Variants in CDH13 observed in about 807,000 individuals in gnomAD.
The protein encoded by CDH13 is cadherin-13.
A neutral mutation model predicts 63.8 loss-of-function variants in CDH13; 24 were observed. The ratio of observed to expected loss-of-function variants is 0.38; its 90% confidence interval spans 0.27 to 0.53. The LOEUF (loss-of-function observed/expected upper bound fraction) is 0.53. CDH13 is among the 20% of genes least tolerant of loss of function. The pLI, the probability that CDH13 is intolerant of heterozygous loss-of-function variation, is 0.85. For missense variants in CDH13, 1,049 were observed against 903.1 expected (o/e 1.16, Z -2.07); for synonymous variants, 503 against 355.3 (o/e 1.42, Z -4.67).
At chr16:83,259,879 G>C (rs1222695020) in intron 5 of CDH13, among the ~76,000 whole-genome samples, 1 of 151,952 alleles carries the variant, frequency 6.6e-6, no homozygotes, top group Non-Finnish European at 1.5e-5. Flanking sequence ...AACTTCTTTG[G>C]GGGCCTAAAA....
At chr16:83,708,212 T>C (rs911782520) in intron 10 of CDH13, among the ~76,000 whole-genome samples, 1 of 152,230 alleles carries the variant, frequency 6.6e-6, no homozygotes. Context: ...CTTTTGCTCA[T>C]GGCCACATGC....
At chr16:83,728,162 C>T (rs1355325953) in intron 10 of CDH13, among the ~76,000 whole-genome samples, 1 of 152,184 alleles carries the variant, frequency 6.6e-6, no homozygotes, top group African/African-American at 2.4e-5. Flanking sequence ...GAGCCACACA[C>T]CACGTCTCTG....
At chr16:83,564,692 A>C (rs1396498556) in intron 7 of CDH13, among the ~76,000 whole-genome samples, 1 of 152,146 alleles carries the variant, frequency 6.6e-6, no homozygotes, top group East Asian at 1.9e-4. Context: ...TATAGGCATG[A>C]GCCATTGCAC....
chr16:83,009,687 T>C (rs903364421), intron 2 of CDH13, among the ~76,000 whole-genome samples: 2 of 152,212 alleles, frequency 1.3e-5, no homozygotes, highest in African/African-American at 4.8e-5. Flanking sequence ...TATTTGATGG[T>C]GGATAATGTA....
chr16:83,075,017 T>A (rs1221552339), intron 3 of CDH13, among the ~76,000 whole-genome samples: 1 of 152,172 alleles, frequency 6.6e-6, no homozygotes. Flanking sequence ...CCATAGGGGA[T>A]CCTCAGCCAA....
intron 10 of CDH13, 79 bp downstream of exon 10, chr16:83,678,540 C>G: frequency 6.6e-7 from 1 of 1,510,438 alleles, no homozygotes. Flanking sequence ...AGCTGGTTGT[C>G]AGGAGCAGAC....
At chr16:82,896,018 A>T (rs2041243974) in intron 2 of CDH13, among the ~76,000 whole-genome samples, 1 of 152,144 alleles carries the variant, frequency 6.6e-6, no homozygotes, top group South Asian at 2.1e-4. Flanking sequence ...CTCAGATCAA[A>T]CACTACCTCT....
At chr16:83,523,909 G>A (rs1308943894) in intron 7 of CDH13, among the ~76,000 whole-genome samples, 1 of 152,182 alleles carries the variant, frequency 6.6e-6, no homozygotes, top group Non-Finnish European at 1.5e-5. Flanking sequence ...CAGGACTCTA[G>A]AATGAAGATT....
intron 5 of CDH13, among the ~76,000 whole-genome samples, chr16:83,321,092 T>C (rs1331979481): frequency 6.6e-6 from 1 of 152,214 alleles, no homozygotes; most frequent in African/African-American, 2.4e-5. Context: ...GGAATACAAA[T>C]AGAAGGAGAT....
At chr16:82,988,560 G>A (rs565583875) in intron 2 of CDH13, among the ~76,000 whole-genome samples, 2 of 152,090 alleles carry the variant, frequency 1.3e-5, no homozygotes, top group South Asian at 2.1e-4. Context: ...TCAGGAGTTC[G>A]AGACCTGCCT....
At chr16:83,409,269 A>G (rs2092092329) in intron 6 of CDH13, among the ~76,000 whole-genome samples, 1 of 151,842 alleles carries the variant, frequency 6.6e-6, no homozygotes, top group African/African-American at 2.4e-5. Context: ...TGGATATGCC[A>G]ATCCCATTCT....
At chr16:82,958,105 G>A (rs1906401575) in intron 2 of CDH13, among the ~76,000 whole-genome samples, 1 of 152,140 alleles carries the variant, frequency 6.6e-6, no homozygotes, top group African/African-American at 2.4e-5. Flanking sequence ...AGAGTCTGCT[G>A]TGTGCCATAC....
intron 3 of CDH13, among the ~76,000 whole-genome samples, chr16:83,116,247 C>T (rs1014703959): frequency 1.3e-5 from 2 of 152,290 alleles, no homozygotes; most frequent in South Asian, 2.1e-4. Flanking sequence ...GAGGTTGGCT[C>T]CCGGGAAATA....
chr16:83,066,402 C>A (rs998813275), intron 3 of CDH13, among the ~76,000 whole-genome samples: 1 of 152,128 alleles, frequency 6.6e-6, no homozygotes, highest in Non-Finnish European at 1.5e-5. Context: ...CAGGAAAAGT[C>A]CTAAACAAAA....
intron 1 of CDH13, among the ~76,000 whole-genome samples, chr16:82,814,935 A>T (rs2037630034): frequency 6.6e-6 from 1 of 152,104 alleles, no homozygotes; most frequent in Non-Finnish European, 1.5e-5. Context: ...GAATGGCTTG[A>T]TGTATTGGGG....
chr16:82,946,626 C>T (rs12445666), intron 2 of CDH13, among the ~76,000 whole-genome samples: 9 of 151,942 alleles, frequency 5.9e-5, no homozygotes, highest in Middle Eastern at 3.4e-3. Flanking sequence ...GAGGCTGAGG[C>T]GTGAAAATTG....
At chr16:83,156,768 C>T (rs55710383) in intron 4 of CDH13, among the ~76,000 whole-genome samples, 1 of 152,008 alleles carries the variant, frequency 6.6e-6, no homozygotes, top group Admixed American at 6.5e-5. Context: ...TCCTATGCTC[C>T]TTTATTCCGT....
intron 6 of CDH13, among the ~76,000 whole-genome samples, chr16:83,482,331 C>G (rs1424168559): frequency 6.6e-6 from 1 of 152,168 alleles, no homozygotes; most frequent in Non-Finnish European, 1.5e-5. Flanking sequence ...TGGCCCATCA[C>G]AAAAAGATAG....
At chr16:82,680,792 G>T (rs1484085096) in intron 1 of CDH13, among the ~76,000 whole-genome samples, 1 of 152,176 alleles carries the variant, frequency 6.6e-6, no homozygotes, top group Admixed American at 6.5e-5. Context: ...AGGCCTGAAA[G>T]GGCAAGGAGA....
Sources: gnomAD v4.1 joint callset for allele counts (sites outside exome capture counted in the v4.1 genomes callset) on GRCh38, gnomAD v4.1.1 for gene constraint, MANE v1.5 for transcripts, NCBI Gene and HGNC (gene_info 2026-07-23, HGNC 2026-07-21) for gene names.